FRY: variants seen among roughly 807,000 people sequenced by gnomAD.
FRY encodes the protein protein furry homolog.
In FRY, 128 loss-of-function variants were observed where a neutral mutation model predicts 348.4. The ratio of observed to expected loss-of-function variants is 0.37; its 90% CI spans 0.32 to 0.43. The LOEUF is 0.43. Among genes scored for constraint, FRY ranks in the 20% least tolerant of loss-of-function variants. The probability of loss-of-function intolerance (pLI) is 1.00; values close to 1 mark genes in which losing one functional copy is unlikely to be tolerated. For missense variants in FRY, 2,736 were observed against 3,695.2 expected, an observed-to-expected ratio of 0.74 and a Z score of 6.73; for synonymous variants, 1,370 against 1,374.7, an observed-to-expected ratio of 1.00 and a Z score of 0.08.
rs554736516 is a variant in FRY at position 32,225,825 on chromosome 13, G to A, written c.5057G>A (p.Ser1686Asn). Residue 1686 changes from serine (S) to asparagine (N), a missense_variant, in exon 39 of 61, where the codon AGC becomes AAC. By Grantham distance (46) the Ser-to-Asn change is conservative. Around this residue, in one of 9 missense-constraint regions of FRY, gnomAD observed 794 missense variants for 977.0 expected, o/e 0.81. Coordinates refer to ENST00000542859, the MANE Select transcript of FRY (RefSeq NM_023037.3). ...TACCGGCCTGAAGTCTTTGAACACA[G>A]CAAAAAACTGCTTCTTCACCTCTTG... Reference protein sequence around the residue: ...DHYRPEVFEHSKKLLLHLLIA... With the variant: ...DHYRPEVFEHNKKLLLHLLIA... The A allele has an allele frequency of 9.9e-6, 16 of 1,614,066 alleles. No homozygotes were observed. Among genetic ancestry groups the A allele is most frequent in the Non-Finnish European group, 1.4e-5 (16 of 1,179,958 alleles).
chr13:32,253,610 T>C (rs1375802792), intron 50 of FRY, among the ~76,000 whole-genome samples: 2 of 152,186 alleles, frequency 1.3e-5, no homozygotes, highest in Non-Finnish European at 2.9e-5. Context: ...ACTAAAGATT[T>C]TAATAGTAAA....
chr13:32,290,561 T>C (rs1452486456), intron 59 of FRY, among the ~76,000 whole-genome samples: 1 of 151,732 alleles, frequency 6.6e-6, no homozygotes, highest in Non-Finnish European at 1.5e-5. Context: ...AAAAGAGCTA[T>C]GAGATAAGGC....
intron 10 of FRY, among the ~76,000 whole-genome samples, chr13:32,135,958 T>C (rs1238772620): frequency 6.6e-6 from 1 of 152,188 alleles, no homozygotes; most frequent in Non-Finnish European, 1.5e-5. Context: ...ACTGCATGCA[T>C]ATTTTTTAGA....
At chr13:32,259,878 G>A (rs1311117288) in intron 51 of FRY, among the ~76,000 whole-genome samples, 1 of 152,048 alleles carries the variant, frequency 6.6e-6, no homozygotes, top group Non-Finnish European at 1.5e-5. Flanking sequence ...AACATATGGT[G>A]GTAATTTATC....
chr13:32,145,588 A>T (rs371923599), intron 11 of FRY, among the ~76,000 whole-genome samples: 3 of 131,714 alleles, frequency 2.3e-5, no homozygotes, highest in African/African-American at 9.2e-5. Context: ...CCCAGGCCGG[A>T]CTGCGGACTG....
Position 32,112,335 on chromosome 13 carries a change from G to A in FRY, c.325-4999G>A, listed in dbSNP as rs1235205121. Among the ~76,000 whole-genome samples the A allele has an allele frequency of 2.6e-5, 4 of 151,964 alleles. No homozygotes were observed. In the East Asian group the frequency reaches 5.8e-4, roughly 22 times the overall value. On this transcript the variant is annotated intron_variant, in intron 3 of 60. Coordinates refer to ENST00000542859, the MANE Select transcript of FRY (RefSeq NM_023037.3). ...TTTATTATGTGCCCCACGTTTTATA[G>A]CATCTCATTTGTCCTCTTAAAATCC...
chr13:32,170,169 C>T (rs1375918378), intron 17 of FRY, among the ~76,000 whole-genome samples: 3 of 152,174 alleles, frequency 2.0e-5, no homozygotes, highest in Non-Finnish European at 4.4e-5. Flanking sequence ...TTATACTGAG[C>T]TTCTGGATGA....
intron 1 of FRY, among the ~76,000 whole-genome samples, chr13:32,053,619 A>G (rs1278202035): frequency 6.6e-6 from 1 of 152,244 alleles, no homozygotes; most frequent in African/African-American, 2.4e-5. Context: ...CACAGAGTCC[A>G]TACTTGGCCT....
chr13:32,261,431 C>T (rs1471330511), intron 51 of FRY, 185 bp from the exon 52 acceptor site: 1 of 763,874 alleles, frequency 1.3e-6, no homozygotes, highest in Non-Finnish European at 2.4e-6. Flanking sequence ...CATGAGTTTA[C>T]ATGAAAATAG....
intron 14 of FRY, among the ~76,000 whole-genome samples, chr13:32,153,720 G>T (rs929097586): frequency 6.6e-6 from 1 of 152,098 alleles, no homozygotes. Context: ...AAAATAGAGT[G>T]GGGATTCTGG....
intron 11 of FRY, among the ~76,000 whole-genome samples, chr13:32,137,324 T>C (rs1437185990): frequency 6.6e-6 from 1 of 152,190 alleles, no homozygotes; most frequent in Non-Finnish European, 1.5e-5. Context: ...TGTGAATTGA[T>C]CTCAGAAGCT....
intron 38 of FRY, among the ~76,000 whole-genome samples, chr13:32,225,548 T>C (rs913458005): frequency 2.6e-5 from 4 of 152,186 alleles, no homozygotes; most frequent in Non-Finnish European, 5.9e-5. Context: ...CCACATCAAA[T>C]GCTACAGAGA....
chr13:32,209,647 G>A lies in FRY; in HGVS notation c.4338G>A (p.Glu1446=). The change falls in exon 33 of 61, where the codon GAG becomes GAA. Residue 1446 remains glutamate, a synonymous_variant. Transcript: ENST00000542859. ...ENAWNALANN[E]KWSNNLRITL... ...CTTGGAATGCTTTAGCCAACAATGA[G>A]AAATGGAGCAACAACCTGAGGATCA... 1 of 1,614,064 alleles carries A rather than the reference G, an allele frequency of 6.2e-7. No homozygotes were observed. Among genetic ancestry groups the A allele is most frequent in the Non-Finnish European group, 8.5e-7 (1 of 1,179,922 alleles).
chr13:32,115,584 G>A (rs1006680963), intron 3 of FRY, among the ~76,000 whole-genome samples: 1 of 152,110 alleles, frequency 6.6e-6, no homozygotes, highest in East Asian at 1.9e-4. Flanking sequence ...ATACCAGTCA[G>A]ATATTTCTTC....
intron 8 of FRY, among the ~76,000 whole-genome samples, chr13:32,132,582 C>T (rs1259774995): frequency 6.6e-6 from 1 of 152,164 alleles, no homozygotes; most frequent in Non-Finnish European, 1.5e-5. Context: ...AATGGCACAG[C>T]CACTTTGGCA....
chr13:32,134,366 G>A (rs942154586), intron 8 of FRY, among the ~76,000 whole-genome samples: 1 of 152,210 alleles, frequency 6.6e-6, no homozygotes, highest in Non-Finnish European at 1.5e-5. Flanking sequence ...AAACGTTCCT[G>A]ACTTGCTTAT....
chr13:32,280,927 T>C (rs531525494), intron 58 of FRY, among the ~76,000 whole-genome samples: 1 of 152,362 alleles, frequency 6.6e-6, no homozygotes, highest in Admixed American at 6.5e-5. Context: ...GTTGTTTTAC[T>C]TGGTATTAGT....
rs1254857497 is a variant in FRY, at chr13:32,219,779, G to C, written c.4765+948G>C. Among the ~76,000 whole-genome samples the C allele has an allele frequency of 3.9e-5, 6 of 152,200 alleles. No homozygotes were observed. In the East Asian group the frequency reaches 1.2e-3, roughly 30 times the overall value. On this transcript the variant is annotated intron_variant, in intron 36 of 60. Coordinates refer to ENST00000542859, the MANE Select transcript of FRY (RefSeq NM_023037.3). ...GGTTCAACATTTCCACCTATCTTGC[G>C]AGTGGGTTTAACCTTGAAGCTTTGA...
chr13:32,132,160 G>T (rs1879408783), intron 8 of FRY, among the ~76,000 whole-genome samples: 1 of 151,702 alleles, frequency 6.6e-6, no homozygotes, highest in South Asian at 2.1e-4. Flanking sequence ...TGATAGCATT[G>T]GGTTGGCTAC....
Sources: gnomAD v4.1 joint callset for allele counts (sites outside exome capture counted in the v4.1 genomes callset) on GRCh38, gnomAD v4.1.1 for gene constraint, gnomAD v4.1.1 regional missense constraint, MANE v1.5 for transcripts, NCBI Gene and HGNC (gene_info 2026-07-23, HGNC 2026-07-21) for gene names.